DLC1: variants seen among roughly 807,000 people sequenced by gnomAD.
DLC1 encodes DLC1 Rho GTPase activating protein, also known as rho GTPase-activating protein 7.
In DLC1, 54 loss-of-function variants were observed where a neutral mutation model predicts 140.3. The observed-to-expected ratio is 0.38, with a 90% CI of 0.31 to 0.48. The LOEUF is 0.48. Among genes scored for constraint, DLC1 ranks in the 20% least tolerant of loss-of-function variants. The probability of loss-of-function intolerance (pLI) is 0.96; values close to 1 mark genes in which losing one functional copy is unlikely to be tolerated. For synonymous variants in DLC1, 986 were observed against 728.1 expected (o/e 1.35, Z -5.70); for missense variants, 2,536 against 1,907.0 (o/e 1.33, Z -6.14).
chr8:13,437,215 G>A (rs1184352857), intron 2 of DLC1, among the ~76,000 whole-genome samples: 1 of 152,120 alleles, frequency 6.6e-6, no homozygotes, highest in African/African-American at 2.4e-5. Flanking sequence ...GTTTCCTCTT[G>A]AATGAAAACA....
intron 1 of DLC1, among the ~76,000 whole-genome samples, chr8:13,544,825 C>T (rs1803602352): frequency 6.6e-6 from 1 of 152,146 alleles, no homozygotes; most frequent in Non-Finnish European, 1.5e-5. Context: ...GGGAAATTCA[C>T]TTCCAAAATA....
intron 10 of DLC1, among the ~76,000 whole-genome samples, chr8:13,096,991 A>G (rs1233187030): frequency 1.3e-5 from 2 of 152,166 alleles, no homozygotes; most frequent in Non-Finnish European, 2.9e-5. Context: ...AAAAATTAAG[A>G]TGTACCCAGA....
intron 5 of DLC1, among the ~76,000 whole-genome samples, chr8:13,268,469 C>G (rs943249911): frequency 3.9e-5 from 6 of 152,136 alleles, no homozygotes; most frequent in African/African-American, 9.7e-5. Flanking sequence ...CGCGCAGCCT[C>G]AAACACCTGG....
chr8:13,294,565 C>G (rs2117475336), intron 5 of DLC1, among the ~76,000 whole-genome samples: 1 of 152,128 alleles, frequency 6.6e-6, no homozygotes, highest in Non-Finnish European at 1.5e-5. Flanking sequence ...ACAGGAGGAG[C>G]AAAGGTCAAG....
chr8:13,443,388 G>T (rs1278633227), intron 2 of DLC1, among the ~76,000 whole-genome samples: 1 of 149,986 alleles, frequency 6.7e-6, no homozygotes, highest in East Asian at 1.9e-4. Flanking sequence ...GGCCAGGCAT[G>T]GTGGCTCACG....
chr8:13,122,102 T>C (rs1468734026), intron 5 of DLC1, among the ~76,000 whole-genome samples: 2 of 152,022 alleles, frequency 1.3e-5, no homozygotes, highest in South Asian at 2.1e-4. Context: ...AACAAATCCG[T>C]CCTCCTTCAA....
At chr8:13,431,510 A>G (rs1434374016) in intron 2 of DLC1, among the ~76,000 whole-genome samples, 1 of 148,734 alleles carries the variant, frequency 6.7e-6, no homozygotes, top group African/African-American at 2.5e-5. Flanking sequence ...AAAAAAAAAA[A>G]AAAAAGAAAA....
At chr8:13,265,561 G>C (rs1830649916) in intron 5 of DLC1, among the ~76,000 whole-genome samples, 1 of 152,194 alleles carries the variant, frequency 6.6e-6, no homozygotes, top group Admixed American at 6.5e-5. Flanking sequence ...GGCTGAGAAA[G>C]TGGGTGTCCA....
At chr8:13,217,025 G>C (rs182307060) in intron 5 of DLC1, among the ~76,000 whole-genome samples, 4 of 152,160 alleles carry the variant, frequency 2.6e-5, no homozygotes, top group Non-Finnish European at 5.9e-5. Flanking sequence ...CTGAATATAG[G>C]TTGTGAATCT....
At chr8:13,248,601 CA>C in intron 5 of DLC1, among the ~76,000 whole-genome samples, 1 of 152,214 alleles carries the variant, frequency 6.6e-6, no homozygotes, top group East Asian at 1.9e-4. Flanking sequence ...ACACCCCCCA[CA>C]TGGTGTAACC....
chr8:13,410,485 C>G (rs1222249262), intron 2 of DLC1, among the ~76,000 whole-genome samples: 1 of 151,972 alleles, frequency 6.6e-6, no homozygotes, highest in Non-Finnish European at 1.5e-5. Flanking sequence ...ATAATTTCAA[C>G]AAATCAAAGA....
chr8:13,545,188 C>T (rs1210215295), intron 1 of DLC1, among the ~76,000 whole-genome samples: 2 of 151,908 alleles, frequency 1.3e-5, no homozygotes, highest in Non-Finnish European at 2.9e-5. Flanking sequence ...ACTAACATTG[C>T]ATTTAAAATT....
chr8:13,286,223 T>G (rs916728359), intron 5 of DLC1, among the ~76,000 whole-genome samples: 3 of 152,130 alleles, frequency 2.0e-5, no homozygotes, highest in African/African-American at 7.2e-5. Context: ...ATCAGAATCC[T>G]CAATCTCTGA....
At chr8:13,126,984 T>C (rs10503435) in intron 5 of DLC1, among the ~76,000 whole-genome samples, 6,788 of 152,282 alleles carry the variant, frequency 0.045, 219 homozygotes, top group African/African-American at 0.083. Context: ...CAAAGACCAA[T>C]GACAATGAAA....
At chr8:13,230,780 A>G (rs1829012478) in intron 5 of DLC1, among the ~76,000 whole-genome samples, 1 of 151,818 alleles carries the variant, frequency 6.6e-6, no homozygotes, top group African/African-American at 2.4e-5. Context: ...TATTTTTAGT[A>G]GAGATGGGGT....
At chr8:13,572,306 GT>G (rs1804688138) in intron 1 of DLC1, among the ~76,000 whole-genome samples, 1 of 151,988 alleles carries the variant, frequency 6.6e-6, no homozygotes, top group Non-Finnish European at 1.5e-5. Context: ...AGCCAGGATG[GT>G]CTCGATCTCC....
intron 5 of DLC1, among the ~76,000 whole-genome samples, chr8:13,172,723 TG>T (rs1233292016): frequency 6.6e-6 from 1 of 152,190 alleles, no homozygotes; most frequent in African/African-American, 2.4e-5. Context: ...TATCAGAAAA[TG>T]GAAGTTCGAT....
chr8:13,259,414 T>A (rs1380845105), intron 5 of DLC1, among the ~76,000 whole-genome samples: 1 of 152,088 alleles, frequency 6.6e-6, no homozygotes, highest in Non-Finnish European at 1.5e-5. Context: ...CCGGACAGAG[T>A]GCTAAGGCTC....
intron 4 of DLC1, among the ~76,000 whole-genome samples, chr8:13,367,394 T>C (rs1447327018): frequency 6.6e-6 from 1 of 152,202 alleles, no homozygotes; most frequent in Non-Finnish European, 1.5e-5. Context: ...AGCCTCCTGT[T>C]CTTAGGTGCT....
Sources: allele counts gnomAD v4.1 joint callset (sites outside exome capture counted in the v4.1 genomes callset), GRCh38; gene constraint gnomAD v4.1.1; transcripts MANE v1.5; gene names NCBI Gene and HGNC (gene_info 2026-07-23, HGNC 2026-07-21).